DHTKD1: variants seen among roughly 807,000 people sequenced by gnomAD.
DHTKD1 encodes 2-oxoadipate dehydrogenase complex component E1.
In DHTKD1, 78 loss-of-function variants were observed where a neutral mutation model predicts 101.8. The observed-to-expected ratio is 0.77, with a 90% CI of 0.64 to 0.93. The LOEUF (loss-of-function observed/expected upper bound fraction) is 0.93. Among genes scored for constraint, DHTKD1 ranks in the 40% least tolerant of loss-of-function variants. DHTKD1 has a pLI of 0.00. For synonymous variants in DHTKD1, 462 were observed against 450.3 expected (o/e 1.03, Z -0.33); for missense variants, 1,223 against 1,161.7 (o/e 1.05, Z -0.77).
chr10:12,118,701 C>CT (rs780826520), intron 14 of DHTKD1, 48 bp from the exon 15 acceptor site: 1 of 1,426,516 alleles, frequency 7.0e-7, no homozygotes, highest in Non-Finnish European at 9.3e-7. Context: ...GTAATTCTTA[C>CT]TTTAAAAAAT....
At chr10:12,119,334 G>C (rs1396632005) in intron 15 of DHTKD1, among the ~76,000 whole-genome samples, 2 of 150,572 alleles carry the variant, frequency 1.3e-5, no homozygotes, top group African/African-American at 4.9e-5. Flanking sequence ...ATTTGGTACA[G>C]GCGGGGCGCG....
At chr10:12,077,795 T>G (rs1832756846) in intron 1 of DHTKD1, among the ~76,000 whole-genome samples, 1 of 150,494 alleles carries the variant, frequency 6.6e-6, no homozygotes, top group African/African-American at 2.5e-5. Context: ...CAAGTTCTGA[T>G]TAAACCCAGG....
chr10:12,073,546 A>G (rs1051454675), intron 1 of DHTKD1, among the ~76,000 whole-genome samples: 1 of 152,132 alleles, frequency 6.6e-6, no homozygotes, highest in Non-Finnish European at 1.5e-5. Flanking sequence ...AGGGTTTCAC[A>G]TGTTGGCCAG....
chr10:12,077,073 A>G (rs1450041404), intron 1 of DHTKD1, among the ~76,000 whole-genome samples: 2 of 149,886 alleles, frequency 1.3e-5, no homozygotes, highest in African/African-American at 4.9e-5. Context: ...TTGTTTATGA[A>G]AAATATATGT....
At position 12,120,839 on chromosome 10, in the gene DHTKD1, C is replaced by T. The variant is rs1395981212; in HGVS notation, c.2711C>T (p.Thr904Ile). 1.2e-6 allele frequency: 2 copies of T among 1,614,128 alleles called. No homozygotes were observed. The highest frequency in any genetic ancestry group is 1.3e-5 in the African/African-American group (1 of 75,058). ...PLPVPAVGIG[T>I]VHLHQHEDIL... ...CCAGTACCCGCTGTAGGAATTGGCACAGTTCACTTGCACCAGCATGAAGAT... is the reference window on the plus strand; with the variant it reads ...CCAGTACCCGCTGTAGGAATTGGCATAGTTCACTTGCACCAGCATGAAGAT... Residue 904 changes from threonine to isoleucine, a missense_variant, in exon 17 of 17, where the codon ACA becomes ATA. Coordinates refer to ENST00000263035, the MANE Select transcript of DHTKD1 (RefSeq NM_018706.7).
rs1220540503 is a variant in DHTKD1, at chr10:12,087,710, T to A, written c.698T>A (p.Leu233His). 1.7e-5 allele frequency: 27 copies of A among 1,604,522 alleles called. No individual in the cohort carries two copies. The highest frequency in any genetic ancestry group is 2.2e-5 in the Non-Finnish European group (26 of 1,175,248). ...GGGAGGCTGAATTTATTGACAGGCC[T>A]TCTGCAGTTCCCTCCAGAGGTAAGG... is the stretch of plus-strand genomic sequence containing the variant. ...HRGRLNLLTG[L>H]LQFPPELMFR... Residue 233 changes from leucine (L) to histidine (H), a missense_variant, in exon 4 of 17, where the codon CTT becomes CAT. By Grantham distance (99) the Leu-to-His change is moderately conservative. Transcript: ENST00000263035. The surrounding 1 kb of genome is among the most constrained non-coding windows in gnomAD (Gnocchi z 5.2).
chr10:12,090,428 T>TTTCCTTCC (rs57839020), intron 5 of DHTKD1, among the ~76,000 whole-genome samples: 1,694 of 119,810 alleles, frequency 0.014, 40 homozygotes, highest in African/African-American at 0.026. Context: ...TTCCTTCCTT[T>TTTCCTTCC]TTCCTTCCTT....
At chr10:12,083,333 C>T (rs985273300) in intron 2 of DHTKD1, among the ~76,000 whole-genome samples, 2 of 152,138 alleles carry the variant, frequency 1.3e-5, no homozygotes, top group African/African-American at 2.4e-5. Flanking sequence ...AAAGTTTATT[C>T]ATTTGTGTTG....
Position 12,089,231 on chromosome 10 carries a change from G to A in DHTKD1, c.963G>A (p.Pro321=), listed in dbSNP as rs377143488. 7.6e-5 allele frequency: 123 copies of A among 1,613,842 alleles called. No individual in the cohort carries two copies. Among genetic ancestry groups the A allele is most frequent in the Admixed American group, 2.5e-4 (15 of 59,990 alleles). ...GDYSPDNSAQ[P]GDRVICLQVH... is the part of the protein sequence containing the mutation. ...ACTCTCCAGACAACTCAGCCCAGCC[G>A]GGGGACAGGGTCATTTGCTTACAGG... is the stretch of plus-strand genomic sequence containing the variant. The change falls in exon 5 of 17, where the codon CCG becomes CCA. Residue 321 remains proline (P), a synonymous_variant. Coordinates refer to ENST00000263035, the MANE Select transcript of DHTKD1 (RefSeq NM_018706.7).
At chr10:12,118,555 TG>T (rs1833458900) in intron 14 of DHTKD1, among the ~76,000 whole-genome samples, 193 bp from the exon 15 acceptor site, 1 of 152,010 alleles carries the variant, frequency 6.6e-6, no homozygotes. Context: ...GCTAATTTTT[TG>T]TATTTTTAGT....
chr10:12,119,426 T>C (rs183785610), intron 15 of DHTKD1, among the ~76,000 whole-genome samples: 2,806 of 150,182 alleles, frequency 0.019, 36 homozygotes, highest in Middle Eastern at 0.069. Context: ...CCATCCTGGC[T>C]AACACAGTGA....
In DHTKD1 at chr10:12,121,426, AG is replaced by A. The variant is rs1833526377; in HGVS notation, c.*539del. 1 of 152,988 alleles carries A rather than the reference AG, an allele frequency of 6.5e-6. No homozygotes were observed. The highest frequency in any genetic ancestry group is 6.5e-5 in the Admixed American group (1 of 15,428). The allele number at this position is 152,988 out of a possible 1,614,324, so 9.5% of individuals were successfully genotyped here. On this transcript the variant is annotated 3_prime_UTR_variant, in exon 17 of 17. Transcript: ENST00000263035. ...AATTTATCCTTGAAGGTGTGATGGTAGAAATAGGAAAACAACAAAAGAAAAA... is the reference window on the plus strand; with the variant it reads ...AATTTATCCTTGAAGGTGTGATGGTAAAATAGGAAAACAACAAAAGAAAAA...
At chr10:12,108,508 GGCCTCAAGTGATCTACCC>G (rs1476500407) in intron 12 of DHTKD1, among the ~76,000 whole-genome samples, 2 of 152,072 alleles carry the variant, frequency 1.3e-5, no homozygotes, top group Non-Finnish European at 2.9e-5. Flanking sequence ...TGAAACTCCT[GGCCTCAAGTGATCTACCC>G]GCCTCAGCTT....
intron 12 of DHTKD1, among the ~76,000 whole-genome samples, chr10:12,112,012 A>C (rs1833338975): frequency 6.6e-6 from 1 of 152,014 alleles, no homozygotes; most frequent in Admixed American, 6.6e-5. Flanking sequence ...GTGTATGCAA[A>C]AAGAAGATGA....
At chr10:12,100,128 GGAAATGGACTCTTA>G (rs778627935) in intron 8 of DHTKD1, 36 bp from the exon 9 acceptor site, 1 of 1,120,772 alleles carries the variant, frequency 8.9e-7, no homozygotes, top group Admixed American at 2.3e-5. Context: ...TTGTGAAAAA[GGAAATGGACTCTTA>G]GACGTTCCTT....
chr10:12,074,254 T>C (rs1304517401), intron 1 of DHTKD1, among the ~76,000 whole-genome samples: 2 of 152,070 alleles, frequency 1.3e-5, no homozygotes, highest in African/African-American at 4.8e-5. Context: ...AATTACAGCT[T>C]ACCATAGCCT....
At chr10:12,102,138 C>T (rs748468405) in intron 10 of DHTKD1, among the ~76,000 whole-genome samples, 13 of 152,006 alleles carry the variant, frequency 8.6e-5, no homozygotes, top group Non-Finnish European at 1.8e-4. Flanking sequence ...AAAAAATTCA[C>T]TTGGTGGCCG....
At chr10:12,105,297 T>C (rs1256021061) in intron 10 of DHTKD1, among the ~76,000 whole-genome samples, 1 of 152,048 alleles carries the variant, frequency 6.6e-6, no homozygotes, top group East Asian at 1.9e-4. Context: ...TTTTTTAACT[T>C]TCCTCACTTT....
intron 6 of DHTKD1, among the ~76,000 whole-genome samples, chr10:12,092,131 A>G (rs1833000051): frequency 6.6e-6 from 1 of 151,840 alleles, no homozygotes; most frequent in Admixed American, 6.6e-5. Context: ...CTACAGGTGT[A>G]CACCACCACA....
Sources: gnomAD v4.1 joint callset for allele counts (sites outside exome capture counted in the v4.1 genomes callset) on GRCh38, gnomAD v4.1.1 for gene constraint, Gnocchi (gnomAD v3.1) non-coding constraint, MANE v1.5 for transcripts, NCBI Gene and HGNC (gene_info 2026-07-23, HGNC 2026-07-21) for gene names.